Variants in AGBL1 observed in about 807,000 individuals in gnomAD.
AGBL1 encodes the protein cytosolic carboxypeptidase 4.
AGBL1 carries 130 observed loss-of-function variants against 118.9 expected under a neutral mutation model. That is an observed-to-expected ratio of 1.09 (90% CI 0.95 to 1.26). AGBL1 has a LOEUF of 1.26. Ranked by LOEUF, AGBL1 falls within the 50% of genes most tolerant of loss-of-function variation. The pLI is 0.00. For missense variants in AGBL1, 1,584 were observed against 1,298.1 expected (o/e 1.22, Z -3.38); for synonymous variants, 555 against 478.9 (o/e 1.16, Z -2.08).
Position 86,474,474 on chromosome 15 carries a change from A to G in AGBL1, c.2556-48336A>G, listed in dbSNP as rs538148632. Reference sequence around the variant, plus strand: ...GTCCCACACCCACGGAGCCTCACTCATTGCCAGCACAGCAGTCTGAGATCG... The same window carrying G: ...GTCCCACACCCACGGAGCCTCACTCGTTGCCAGCACAGCAGTCTGAGATCG... On this transcript the variant is annotated intron_variant, in intron 18 of 22. Transcript: ENST00000614907. Among the ~76,000 whole-genome samples, 32 of 152,310 alleles carry G rather than the reference A, an allele frequency of 2.1e-4. 1 individual carries two copies. The highest frequency in any genetic ancestry group is 6.7e-4 in the African/African-American group (28 of 41,584).
Position 86,556,396 on chromosome 15 carries a change from C to G in AGBL1, c.2994+1859C>G, listed in dbSNP as rs138069693. On this transcript the variant is annotated intron_variant, in intron 21 of 22. Coordinates refer to ENST00000614907, the MANE Select transcript of AGBL1 (RefSeq NM_001386094.1). Reference sequence around the variant, plus strand: ...TAGAGAAAGCCCTAACAGTGCCAGACCTGGTTTTGGTTTAAGAATCCCATT... The same window carrying G: ...TAGAGAAAGCCCTAACAGTGCCAGAGCTGGTTTTGGTTTAAGAATCCCATT... 1.5e-3 allele frequency: 1,418 copies of G among 922,736 alleles called. 22 individuals are homozygous for G. The African/African-American group carries it at 0.022, about 14-fold the overall frequency. 57.2% of individuals were successfully genotyped at this position (922,736 alleles called of 1,614,324 possible).
At chr15:86,590,371 A>G (rs1188495193) in intron 21 of AGBL1, among the ~76,000 whole-genome samples, 1 of 151,908 alleles carries the variant, frequency 6.6e-6, no homozygotes, top group South Asian at 2.1e-4. Context: ...TTCTCACAAG[A>G]TCTGATGGTT....
intron 19 of AGBL1, among the ~76,000 whole-genome samples, chr15:86,527,012 A>T (rs2083277093): frequency 1.3e-5 from 2 of 152,148 alleles, no homozygotes; most frequent in Admixed American, 1.3e-4. Flanking sequence ...TAAAACAAGA[A>T]TACTGGTTCT....
chr15:86,279,650 G>T lies in AGBL1; in HGVS notation c.2087G>T (p.Arg696Leu). Residue 696 changes from arginine to leucine, a missense_variant, in exon 16 of 23, where the codon CGC becomes CTC. Transcript: ENST00000614907. ...HEICYYKNHY[R>L]QSTAVAGGAS... ...TCCTCTCTCTTTAGAAATCATTATC[G>T]CCAGAGTACAGCTGTTGCAGGCGGA... The T allele has an allele frequency of 6.2e-7, 1 of 1,613,064 alleles. No individual in the cohort carries two copies.
intron 22 of AGBL1, among the ~76,000 whole-genome samples, chr15:86,683,711 CACTCTT>C (rs1703348092): frequency 6.6e-6 from 1 of 152,152 alleles, no homozygotes; most frequent in Non-Finnish European, 1.5e-5. Flanking sequence ...TCAAGAAACT[CACTCTT>C]ACTACTCTCT....
At chr15:86,375,374 AACTC>A (rs1195201792) in intron 17 of AGBL1, among the ~76,000 whole-genome samples, 1 of 152,028 alleles carries the variant, frequency 6.6e-6, no homozygotes, top group Admixed American at 6.5e-5. Context: ...ATCTTGTAAG[AACTC>A]ACTCACTATC....
Position 86,915,438 on chromosome 15 carries a change from C to A in AGBL1, c.*8144C>A, listed in dbSNP as rs1170943589. On this transcript the variant is annotated 3_prime_UTR_variant, in exon 23 of 23. Transcript: ENST00000614907. ...TGTTAAAGTCATAAAAACTTACTTT[C>A]AATTCTCAGAAAGCACCTTACTCTT... 1 of 152,236 alleles carries A rather than the reference C, an allele frequency of 6.6e-6. No individual in the cohort carries two copies. Among genetic ancestry groups the A allele is most frequent in the Non-Finnish European group, 1.5e-5 (1 of 68,084 alleles). The allele number at this position is 152,236 out of a possible 1,614,324, so 9.4% of individuals were successfully genotyped here.
At chr15:86,603,759 G>A (rs1338351514) in intron 21 of AGBL1, among the ~76,000 whole-genome samples, 1 of 152,140 alleles carries the variant, frequency 6.6e-6, no homozygotes, top group Non-Finnish European at 1.5e-5. Context: ...CAAAAAAAAT[G>A]TGAAAGCTTA....
chr15:86,445,496 C>A lies in AGBL1; in HGVS notation c.2555+47950C>A, dbSNP rs878979622. ...CATAGTGGGGCATTCCCATGTCAGTCTGAATTTATAGAATTTCACCACTGA... is the reference window on the plus strand; with the variant it reads ...CATAGTGGGGCATTCCCATGTCAGTATGAATTTATAGAATTTCACCACTGA... On this transcript the variant is annotated intron_variant, in intron 18 of 22. Coordinates refer to ENST00000614907, the MANE Select transcript of AGBL1 (RefSeq NM_001386094.1). Among the ~76,000 whole-genome samples, 6 of 152,184 alleles carry A rather than the reference C, an allele frequency of 3.9e-5. 1 individual carries two copies. The highest frequency in any genetic ancestry group is 3.9e-4 in the Admixed American group (6 of 15,276).
intron 1 of AGBL1, among the ~76,000 whole-genome samples, chr15:86,090,842 C>T (rs186105548): frequency 2.0e-5 from 3 of 152,164 alleles, no homozygotes; most frequent in East Asian, 3.9e-4. Context: ...TATCTTGTTG[C>T]TTTCATAGAG....
chr15:86,326,526 G>C (rs982635694), intron 17 of AGBL1, among the ~76,000 whole-genome samples: 5 of 152,146 alleles, frequency 3.3e-5, no homozygotes, highest in Non-Finnish European at 5.9e-5. Flanking sequence ...CATTCCTTTG[G>C]CTAGAGAAGT....
intron 22 of AGBL1, among the ~76,000 whole-genome samples, chr15:86,820,235 A>G (rs961177976): frequency 2.0e-5 from 3 of 152,230 alleles, no homozygotes; most frequent in Non-Finnish European, 4.4e-5. Context: ...GGCATGGGCA[A>G]AGACTTCATG....
chr15:86,434,628 G>A (rs2081977769), intron 18 of AGBL1, among the ~76,000 whole-genome samples: 1 of 152,106 alleles, frequency 6.6e-6, no homozygotes, highest in Admixed American at 6.5e-5. Context: ...ATCGGTCATG[G>A]GCCAGTCAAC....
intron 5 of AGBL1, among the ~76,000 whole-genome samples, chr15:86,184,014 C>T (rs970916152): frequency 2.6e-5 from 4 of 152,154 alleles, no homozygotes; most frequent in African/African-American, 9.7e-5. Context: ...GTTACAGCTC[C>T]AGTTTGCCAC....
At chr15:86,949,230 C>CCCAT (rs1458647049) in intron 23 of AGBL1, among the ~76,000 whole-genome samples, 1 of 151,990 alleles carries the variant, frequency 6.6e-6, no homozygotes, top group Non-Finnish European at 1.5e-5. Context: ...TTGCAGCAGA[C>CCCAT]CCATGTTCCT....
At chr15:86,446,238 T>C (rs1206347426) in intron 18 of AGBL1, among the ~76,000 whole-genome samples, 1 of 152,226 alleles carries the variant, frequency 6.6e-6, no homozygotes, top group African/African-American at 2.4e-5. Context: ...TGGTTGTTTG[T>C]CTAAGTTTAA....
Position 86,257,130 on chromosome 15 carries a change from G to T in AGBL1, c.901+112G>T, listed in dbSNP as rs573307264. On this transcript the variant is annotated intron_variant, in intron 8 of 22. Coordinates refer to ENST00000614907, the MANE Select transcript of AGBL1 (RefSeq NM_001386094.1). ...GTTATTTTATAGGTCAACCATAATTGTCTATTAAGCTAATTAGAGACATAT... is the reference window on the plus strand; with the variant it reads ...GTTATTTTATAGGTCAACCATAATTTTCTATTAAGCTAATTAGAGACATAT... 1.4e-4 allele frequency: 168 copies of T among 1,179,368 alleles called. No homozygotes were observed. In the African/African-American group the frequency reaches 2.2e-3, roughly 15 times the overall value. 73.1% of individuals were successfully genotyped at this position (1,179,368 alleles called of 1,614,324 possible).
chr15:86,599,168 T>G (rs1426989937), intron 21 of AGBL1, among the ~76,000 whole-genome samples: 1 of 152,170 alleles, frequency 6.6e-6, no homozygotes, highest in Non-Finnish European at 1.5e-5. Context: ...TTTAAAAGTT[T>G]ACTAAGTTTT....
intron 23 of AGBL1, among the ~76,000 whole-genome samples, chr15:86,949,394 A>G (rs772786968): frequency 1.3e-5 from 2 of 152,146 alleles, no homozygotes; most frequent in Non-Finnish European, 2.9e-5. Flanking sequence ...TCCACCCTTC[A>G]GGGAATTTTC....
Sources: allele counts gnomAD v4.1 joint callset (sites outside exome capture counted in the v4.1 genomes callset), GRCh38; gene constraint gnomAD v4.1.1; transcripts MANE v1.5; gene names NCBI Gene and HGNC (gene_info 2026-07-23, HGNC 2026-07-21).